Variants in CFAP299 observed in about 807,000 individuals in gnomAD.
CFAP299 encodes the protein cilia and flagella associated protein 299.
Under a neutral mutation model 27.0 loss-of-function variants are expected in CFAP299, and 21 were observed. The observed-to-expected ratio is 0.78, with a 90% CI of 0.55 to 1.12. The LOEUF (loss-of-function observed/expected upper bound fraction) is 1.12, where lower values mean the gene tolerates loss of function less well. CFAP299 is among the 50% of genes most tolerant of loss of function. The pLI is 0.00. For synonymous variants in CFAP299, 104 were observed against 98.1 expected (o/e 1.06, Z -0.36); for missense variants, 310 against 276.6 (o/e 1.12, Z -0.86).
chr4:80,853,370 A>G (rs1054782364), intron 3 of CFAP299, among the ~76,000 whole-genome samples: 3 of 152,220 alleles, frequency 2.0e-5, no homozygotes, highest in Non-Finnish European at 4.4e-5. Context: ...TAAAGAAATA[A>G]GTACCAAGAT....
chr4:80,609,570 TCAAC>T (rs1737857891), intron 3 of CFAP299, among the ~76,000 whole-genome samples: 1 of 152,062 alleles, frequency 6.6e-6, no homozygotes, highest in Non-Finnish European at 1.5e-5. Flanking sequence ...TCCAGAGTAA[TCAAC>T]GTTAATGTTA....
At position 80,389,029 on chromosome 4, in the gene CFAP299, T is replaced by C. The variant is rs534223042; in HGVS notation, c.242+26145T>C. On this transcript the variant is annotated intron_variant, in intron 2 of 5. Transcript: ENST00000358105. ...TGTGTGTTTAACATGGAAAGTTCCC[T>C]TTTATATGCTCTTTAATAAGTCAGA... Among the ~76,000 whole-genome samples, 13 of 152,270 alleles carry C rather than the reference T, an allele frequency of 8.5e-5. No individual in the cohort carries two copies. The East Asian group carries it at 2.5e-3, about 29-fold the overall frequency.
intron 3 of CFAP299, among the ~76,000 whole-genome samples, chr4:80,671,521 G>C (rs1240673904): frequency 6.6e-6 from 1 of 152,034 alleles, no homozygotes. Context: ...TTTTTTTCCA[G>C]TTCTGTGAAG....
intron 3 of CFAP299, among the ~76,000 whole-genome samples, chr4:80,841,251 T>C (rs1730847564): frequency 6.6e-6 from 1 of 152,136 alleles, no homozygotes; most frequent in African/African-American, 2.4e-5. Flanking sequence ...ATTGAAGACC[T>C]AGCTATTCAT....
chr4:80,496,528 T>C (rs1000788352), intron 2 of CFAP299, among the ~76,000 whole-genome samples: 3 of 152,232 alleles, frequency 2.0e-5, no homozygotes, highest in African/African-American at 7.2e-5. Context: ...ATTTTGGTCA[T>C]AACCATTTAA....
At chr4:80,600,523 T>A (rs551135644) in intron 3 of CFAP299, among the ~76,000 whole-genome samples, 1 of 152,290 alleles carries the variant, frequency 6.6e-6, no homozygotes, top group East Asian at 1.9e-4. Context: ...CTCCCTGTGC[T>A]GCTGTGAGCT....
At chr4:80,431,487 G>C (rs9685728) in intron 2 of CFAP299, among the ~76,000 whole-genome samples, 2 of 138,412 alleles carry the variant, frequency 1.4e-5, no homozygotes, top group South Asian at 2.3e-4. Context: ...CCTTCTTTCC[G>C]TTTCCTCCTC....
intron 3 of CFAP299, among the ~76,000 whole-genome samples, chr4:80,643,692 T>C (rs1281337085): frequency 6.6e-6 from 1 of 152,144 alleles, no homozygotes; most frequent in Non-Finnish European, 1.5e-5. Context: ...GATGCAGGGA[T>C]TGGTAGATTT....
rs539391766 is a variant in CFAP299, at chr4:80,830,056, G to T, written c.334-39937G>T. ...TCCAATACCCATGCACTTAAAAATG[G>T]TTACAATGGTAAATTTTAGGTTACA... is the stretch of plus-strand genomic sequence containing the variant. On this transcript the variant is annotated intron_variant, in intron 3 of 5. Transcript: ENST00000358105. 1.2e-3 allele frequency among the ~76,000 whole-genome samples: 184 copies of T among 152,086 alleles called. 1 individual carries two copies. The highest frequency in any genetic ancestry group is 4.1e-3 in the African/African-American group (170 of 41,518).
At position 80,650,531 on chromosome 4, in the gene CFAP299, G is replaced by A. The variant is rs182470467; in HGVS notation, c.333+67348G>A. On this transcript the variant is annotated intron_variant, in intron 3 of 5. Transcript: ENST00000358105. ...GATTTTATTTGACCATAGATGACTG[G>A]CACTTAAACTTTTTAAAGAGTCTCT... Among the ~76,000 whole-genome samples, 772 of 152,112 alleles carry A rather than the reference G, an allele frequency of 5.1e-3. 5 individuals carry two copies. Among genetic ancestry groups the A allele is most frequent in the Middle Eastern group, 0.02 (6 of 294 alleles).
intron 3 of CFAP299, among the ~76,000 whole-genome samples, chr4:80,635,139 A>G (rs962210229): frequency 7.9e-5 from 12 of 152,142 alleles, no homozygotes; most frequent in Admixed American, 2.0e-4. Flanking sequence ...ATTAAGTTAT[A>G]TAATTCTTAA....
At chr4:80,793,539 C>T (rs1727690514) in intron 3 of CFAP299, among the ~76,000 whole-genome samples, 1 of 152,054 alleles carries the variant, frequency 6.6e-6, no homozygotes, top group African/African-American at 2.4e-5. Flanking sequence ...CAATTTGCCC[C>T]ATACACATTG....
intron 3 of CFAP299, among the ~76,000 whole-genome samples, chr4:80,764,579 C>G (rs139253097): frequency 2.5e-4 from 38 of 152,062 alleles, no homozygotes; most frequent in Non-Finnish European, 4.4e-5. Flanking sequence ...TTTGACCCAG[C>G]GATCTCATTA....
At chr4:80,795,848 A>G (rs1434606580) in intron 3 of CFAP299, among the ~76,000 whole-genome samples, 2 of 152,094 alleles carry the variant, frequency 1.3e-5, no homozygotes, top group Non-Finnish European at 2.9e-5. Context: ...CTCAAATAAG[A>G]GTAGTTATTT....
intron 2 of CFAP299, among the ~76,000 whole-genome samples, chr4:80,541,935 G>A (rs1734011970): frequency 6.6e-6 from 1 of 151,650 alleles, no homozygotes; most frequent in Non-Finnish European, 1.5e-5. Flanking sequence ...AGGACATTAG[G>A]TATATCTCCC....
At chr4:80,496,984 G>A (rs1000569177) in intron 2 of CFAP299, among the ~76,000 whole-genome samples, 1 of 152,090 alleles carries the variant, frequency 6.6e-6, no homozygotes, top group Non-Finnish European at 1.5e-5. Flanking sequence ...CACAAAGACA[G>A]CACCAAAGGC....
At chr4:80,851,483 G>T (rs946126898) in intron 3 of CFAP299, among the ~76,000 whole-genome samples, 1 of 152,072 alleles carries the variant, frequency 6.6e-6, no homozygotes, top group Non-Finnish European at 1.5e-5. Context: ...TTATAAAAAT[G>T]TAGGGAAAAT....
At chr4:80,833,634 A>G (rs1381709121) in intron 3 of CFAP299, among the ~76,000 whole-genome samples, 4 of 152,210 alleles carry the variant, frequency 2.6e-5, no homozygotes, top group Admixed American at 2.6e-4. Context: ...CATTTCCTGC[A>G]TTCATTGTGA....
At chr4:80,716,359 A>G (rs886649184) in intron 3 of CFAP299, among the ~76,000 whole-genome samples, 1 of 150,980 alleles carries the variant, frequency 6.6e-6, no homozygotes, top group Non-Finnish European at 1.5e-5. Flanking sequence ...GTGAATGTCA[A>G]TAAGGATAGT....
Sources: gnomAD v4.1 joint callset for allele counts (sites outside exome capture counted in the v4.1 genomes callset) on GRCh38, gnomAD v4.1.1 for gene constraint, MANE v1.5 for transcripts, NCBI Gene and HGNC (gene_info 2026-07-23, HGNC 2026-07-21) for gene names.